The following NMT2 variants were observed in gnomAD, a reference collection of about 807,000 sequenced individuals.
The protein encoded by NMT2 is N-myristoyltransferase 2.
Under a neutral mutation model 65.4 loss-of-function variants are expected in NMT2, and 35 were observed. The observed-to-expected ratio is 0.54, with a 90% CI of 0.41 to 0.71. The LOEUF (loss-of-function observed/expected upper bound fraction) is 0.71, where lower values mean the gene tolerates loss of function less well. Ranked by LOEUF, NMT2 falls within the 30% of genes least tolerant of loss-of-function variation. The pLI, the probability that NMT2 is intolerant of heterozygous loss-of-function variation, is 0.00. For synonymous variants in NMT2, 226 were observed against 231.8 expected (o/e 0.98, Z 0.23); for missense variants, 489 against 611.3 (o/e 0.80, Z 2.11).
chr10:15,132,497 G>A (rs770062780), intron 6 of NMT2, among the ~76,000 whole-genome samples: 1 of 151,926 alleles, frequency 6.6e-6, no homozygotes, highest in East Asian at 1.9e-4. Context: ...GCGCAATCTC[G>A]GCTCACTGCA....
At position 15,130,344 on chromosome 10, in the gene NMT2, C is replaced by CA. The variant is rs746318566; in HGVS notation, c.720-33dup. 1,472 of 1,447,106 alleles carry CA rather than the reference C, an allele frequency of 1.0e-3. 1 individual carries two copies. The highest frequency in any genetic ancestry group is 1.3e-3 in the Non-Finnish European group (1,411 of 1,077,550). The allele number at this position is 1,447,106 out of a possible 1,614,324, so 89.6% of individuals were successfully genotyped here. ...AATAAAGATGGTGAAGATTAAGAGT[C>CA]AAAACGAGATTCAAAATGAAGAGTC... On this transcript the variant is annotated intron_variant, in intron 6 of 11. Transcript: ENST00000378165.
intron 1 of NMT2, 159 bp downstream of exon 1, chr10:15,168,344 G>C: frequency 2.6e-6 from 1 of 383,628 alleles, no homozygotes; most frequent in South Asian, 2.1e-5. Flanking sequence ...CGCGAGCCGC[G>C]CGCCCCGGAC....
At chr10:15,128,747 G>C (rs1273386516) in intron 7 of NMT2, among the ~76,000 whole-genome samples, 1 of 152,204 alleles carries the variant, frequency 6.6e-6, no homozygotes, top group African/African-American at 2.4e-5. Context: ...GCTCATGCCT[G>C]TAATCCCAGC....
intron 9 of NMT2, among the ~76,000 whole-genome samples, chr10:15,115,556 T>C (rs1402432299): frequency 6.6e-6 from 1 of 151,934 alleles, no homozygotes; most frequent in African/African-American, 2.4e-5. Context: ...AGAAGAAACA[T>C]AAAGAAACCA....
chr10:15,147,095 C>CAAAAAAAAAAAAAAAAAAAAAAA (rs34668178), intron 1 of NMT2, among the ~76,000 whole-genome samples: 4 of 44,516 alleles, frequency 9.0e-5, no homozygotes, highest in African/African-American at 2.2e-4. Flanking sequence ...CTCTCGCTCT[C>CAAAAAAAAAAAAAAAAAAAAAAA]AAAAAAAAAA....
At chr10:15,141,623 C>CA in intron 1 of NMT2, 66 bp from the exon 2 acceptor site, 1 of 1,507,338 alleles carries the variant, frequency 6.6e-7, no homozygotes, top group Non-Finnish European at 8.9e-7. Flanking sequence ...AATTGAATTG[C>CA]ATACAATTAA....
intron 8 of NMT2, among the ~76,000 whole-genome samples, chr10:15,122,404 C>G (rs1845954675): frequency 3.3e-5 from 5 of 151,950 alleles, no homozygotes; most frequent in Admixed American, 3.3e-4. Context: ...ATATTTTGGT[C>G]TTGGGACCCT....
At chr10:15,135,008 A>T (rs2131553400) in intron 3 of NMT2, among the ~76,000 whole-genome samples, 1 of 152,224 alleles carries the variant, frequency 6.6e-6, no homozygotes, top group African/African-American at 2.4e-5. Flanking sequence ...AATACTAGTA[A>T]TGTTTCAAGT....
chr10:15,128,898 G>A (rs964821394), intron 7 of NMT2, among the ~76,000 whole-genome samples: 5 of 152,072 alleles, frequency 3.3e-5, no homozygotes, highest in African/African-American at 9.7e-5. Context: ...CCAGCTACTC[G>A]GGAGGCTGAG....
At chr10:15,123,282 C>G (rs1845980049) in intron 8 of NMT2, among the ~76,000 whole-genome samples, 1 of 152,082 alleles carries the variant, frequency 6.6e-6, no homozygotes, top group Admixed American at 6.5e-5. Context: ...CACGGTGGCT[C>G]ACACCTGTAA....
chr10:15,162,900 A>G (rs185435884), intron 1 of NMT2, among the ~76,000 whole-genome samples: 93 of 149,162 alleles, frequency 6.2e-4, no homozygotes, highest in Non-Finnish European at 1.2e-3. Flanking sequence ...TATATGTGAT[A>G]TATATAAATA....
intron 9 of NMT2, among the ~76,000 whole-genome samples, chr10:15,116,735 A>C (rs1392573222): frequency 6.6e-6 from 1 of 152,194 alleles, no homozygotes; most frequent in Non-Finnish European, 1.5e-5. Flanking sequence ...GAAAGAAGAG[A>C]TATCAGTACA....
At chr10:15,119,927 C>T (rs1564563629) in intron 8 of NMT2, among the ~76,000 whole-genome samples, 1 of 152,178 alleles carries the variant, frequency 6.6e-6, no homozygotes, top group Non-Finnish European at 1.5e-5. Context: ...TGGGACATAG[C>T]CAACTTAGCA....
chr10:15,141,133 G>T, intron 2 of NMT2: 1 of 1,080,046 alleles, frequency 9.3e-7, no homozygotes, highest in Non-Finnish European at 1.4e-6. Context: ...AACCTAACAA[G>T]CTCACACTGA....
Position 15,109,029 on chromosome 10 carries a change from T to C in NMT2, c.*166A>G, listed in dbSNP as rs1434691162. The C allele has an allele frequency of 6.9e-7, 1 of 1,451,796 alleles. No individual in the cohort carries two copies. Among genetic ancestry groups the C allele is most frequent in the Non-Finnish European group, 9.0e-7 (1 of 1,110,134 alleles). 89.9% of individuals were successfully genotyped at this position (1,451,796 alleles called of 1,614,324 possible). On this transcript the variant is annotated 3_prime_UTR_variant, in exon 12 of 12. Transcript: ENST00000378165. ...AAAGGATGAAGTTTAACATTCTAGC[T>C]AGAAACGTACAAATGTCACATGTGG...
intron 8 of NMT2, among the ~76,000 whole-genome samples, chr10:15,125,283 G>A (rs1338400047): frequency 1.3e-5 from 2 of 152,220 alleles, no homozygotes; most frequent in Non-Finnish European, 2.9e-5. Flanking sequence ...GACTGGAACA[G>A]GACTGCTACC....
At chr10:15,149,967 T>C (rs1316518658) in intron 1 of NMT2, among the ~76,000 whole-genome samples, 1 of 152,192 alleles carries the variant, frequency 6.6e-6, no homozygotes, top group African/African-American at 2.4e-5. Flanking sequence ...TTGCGATCTT[T>C]GGACATTTTT....
chr10:15,132,345 A>T (rs1420816514), intron 6 of NMT2, among the ~76,000 whole-genome samples: 2 of 152,164 alleles, frequency 1.3e-5, no homozygotes, highest in African/African-American at 4.8e-5. Context: ...AAAACCAATC[A>T]GAGAGTTTCC....
Position 15,107,860 on chromosome 10 carries a change from C to A in NMT2, c.*1335G>T, listed in dbSNP as rs1266308833. The A allele has an allele frequency of 7.1e-6, 7 of 985,570 alleles. No individual in the cohort carries two copies. Among genetic ancestry groups the A allele is most frequent in the Non-Finnish European group, 8.4e-6 (7 of 829,884 alleles). 61.1% of individuals were successfully genotyped at this position (985,570 alleles called of 1,614,324 possible). ...GGCAATATAAACACACATCTGTAAG[C>A]CATGAAAGTTTTTCAAATTCTAGAT... On this transcript the variant is annotated 3_prime_UTR_variant, in exon 12 of 12. Transcript: ENST00000378165.
Sources: gnomAD v4.1 joint callset for allele counts (sites outside exome capture counted in the v4.1 genomes callset) on GRCh38, gnomAD v4.1.1 for gene constraint, MANE v1.5 for transcripts, NCBI Gene and HGNC (gene_info 2026-07-23, HGNC 2026-07-21) for gene names.